The following SCLT1 variants were observed in gnomAD, a reference collection of about 807,000 sequenced individuals.
SCLT1 encodes the protein sodium channel-associated protein 1.
SCLT1 carries 78 observed loss-of-function variants against 112.8 expected under a neutral mutation model. The ratio of observed to expected loss-of-function variants is 0.69; its 90% CI spans 0.58 to 0.83. The LOEUF (loss-of-function observed/expected upper bound fraction) is 0.83. SCLT1 is among the 40% of genes least tolerant of loss of function. The probability of loss-of-function intolerance (pLI) is 0.00; values close to 1 mark genes in which losing one functional copy is unlikely to be tolerated. For missense variants in SCLT1, 747 were observed against 770.4 expected (o/e 0.97, Z 0.36); for synonymous variants, 257 against 254.7 (o/e 1.01, Z -0.09).
At chr4:128,899,553 C>T (rs1351704094) in intron 18 of SCLT1, among the ~76,000 whole-genome samples, 1 of 152,122 alleles carries the variant, frequency 6.6e-6, no homozygotes, top group African/African-American at 2.4e-5. Flanking sequence ...CTATGACAAA[C>T]CCACAGCCAA....
chr4:128,929,549 G>C (rs1736587771), intron 18 of SCLT1, among the ~76,000 whole-genome samples: 1 of 152,144 alleles, frequency 6.6e-6, no homozygotes, highest in Non-Finnish European at 1.5e-5. Context: ...GCTGTAATTA[G>C]GTATCAGGTC....
intron 18 of SCLT1, among the ~76,000 whole-genome samples, chr4:128,910,689 C>CT (rs982463458): frequency 6.6e-6 from 1 of 151,846 alleles, no homozygotes; most frequent in African/African-American, 2.4e-5. Flanking sequence ...CTAATACACT[C>CT]TTTTTTACAC....
At chr4:129,086,240 T>A (rs1430781870) in intron 1 of SCLT1, among the ~76,000 whole-genome samples, 1 of 152,124 alleles carries the variant, frequency 6.6e-6, no homozygotes, top group Non-Finnish European at 1.5e-5. Flanking sequence ...TATTATTTCC[T>A]TCATTCTACA....
At chr4:129,032,264 G>T (rs1746792109) in intron 5 of SCLT1, among the ~76,000 whole-genome samples, 1 of 152,098 alleles carries the variant, frequency 6.6e-6, no homozygotes, top group Non-Finnish European at 1.5e-5. Flanking sequence ...AATTAATGGT[G>T]CCAGGAAAAC....
chr4:128,997,203 C>T (rs769390668), intron 8 of SCLT1: 1 of 151,832 alleles, frequency 6.6e-6, no homozygotes, highest in African/African-American at 2.4e-5. Context: ...TGGATACTTA[C>T]TTTTGATAGC....
At chr4:129,076,394 C>T (rs1751466465) in intron 2 of SCLT1, among the ~76,000 whole-genome samples, 1 of 151,904 alleles carries the variant, frequency 6.6e-6, no homozygotes, top group African/African-American at 2.4e-5. Context: ...TTTATTCTAC[C>T]TTATGTATCT....
Position 129,093,137 on chromosome 4 carries a change from C to T in SCLT1, c.-34G>A. ...AATTTTAGTTTAGAGCTTTCACCAC[C>T]TTTACCTTCCTCTGAAAGACAGAGA... On this transcript the variant is annotated 5_prime_UTR_variant, in exon 1 of 21. Transcript: ENST00000281142. 6.2e-7 allele frequency: 1 copy of T among 1,605,148 alleles called. No homozygotes were observed.
intron 2 of SCLT1, among the ~76,000 whole-genome samples, chr4:129,057,572 TAA>T (rs1749544416): frequency 7.3e-6 from 1 of 136,182 alleles, no homozygotes; most frequent in Admixed American, 7.6e-5. Flanking sequence ...TTTTTTTTTT[TAA>T]GACTTTTTGT....
At chr4:129,077,174 T>A (rs1187238284) in intron 2 of SCLT1, among the ~76,000 whole-genome samples, 1 of 152,120 alleles carries the variant, frequency 6.6e-6, no homozygotes, top group Admixed American at 6.5e-5. Flanking sequence ...CAAGCCTAAA[T>A]GATCATTATG....
chr4:128,900,340 T>C (rs1734169147), intron 18 of SCLT1, among the ~76,000 whole-genome samples: 1 of 152,100 alleles, frequency 6.6e-6, no homozygotes, highest in Non-Finnish European at 1.5e-5. Flanking sequence ...TACAGACCAA[T>C]GGAACAGAAC....
intron 18 of SCLT1, among the ~76,000 whole-genome samples, chr4:128,894,399 C>G (rs1733574638): frequency 1.1e-5 from 1 of 88,278 alleles, no homozygotes; most frequent in Admixed American, 1.2e-4. Context: ...CACACACACA[C>G]ACACACACAC....
chr4:128,931,638 A>G (rs1211390549), intron 18 of SCLT1, among the ~76,000 whole-genome samples: 1 of 151,868 alleles, frequency 6.6e-6, no homozygotes, highest in East Asian at 1.9e-4. Flanking sequence ...AATTTTTTGT[A>G]TTTTTAGTAG....
intron 20 of SCLT1, among the ~76,000 whole-genome samples, chr4:128,887,856 A>C (rs1283032747): frequency 6.6e-6 from 1 of 152,256 alleles, no homozygotes; most frequent in Non-Finnish European, 1.5e-5. Context: ...TTGTAAGCCA[A>C]GGAATTTTTT....
chr4:129,027,518 G>A (rs1422094785), intron 5 of SCLT1, among the ~76,000 whole-genome samples: 1 of 152,130 alleles, frequency 6.6e-6, no homozygotes, highest in East Asian at 1.9e-4. Context: ...GTATTGATGG[G>A]ACGTATCTCA....
chr4:128,951,487 A>T lies in SCLT1; in HGVS notation c.1218+1282T>A, dbSNP rs1375524660. Among the ~76,000 whole-genome samples, 4 of 152,166 alleles carry T rather than the reference A, an allele frequency of 2.6e-5. No homozygotes were observed. The East Asian group carries it at 5.8e-4, about 22-fold the overall frequency. ...TTTAATATAGCTCTGGTTGTTACACAGCTAACAACGATTTGAAAAATCCCT... is the reference window on the plus strand; with the variant it reads ...TTTAATATAGCTCTGGTTGTTACACTGCTAACAACGATTTGAAAAATCCCT... On this transcript the variant is annotated intron_variant, in intron 14 of 20. Transcript: ENST00000281142.
chr4:128,907,205 TC>T (rs1171580487), intron 18 of SCLT1, among the ~76,000 whole-genome samples: 1 of 152,062 alleles, frequency 6.6e-6, no homozygotes, highest in Admixed American at 6.6e-5. Context: ...ACCTTATAAG[TC>T]GTAACAGGAA....
At chr4:128,987,443 A>G (rs573075360) in intron 9 of SCLT1, among the ~76,000 whole-genome samples, 6 of 152,338 alleles carry the variant, frequency 3.9e-5, no homozygotes, top group African/African-American at 1.2e-4. Context: ...GGGAAGCTCA[A>G]CAAATTTCAA....
intron 1 of SCLT1, among the ~76,000 whole-genome samples, chr4:129,088,059 C>T (rs1423543470): frequency 6.6e-6 from 1 of 151,516 alleles, no homozygotes; most frequent in Admixed American, 6.6e-5. Flanking sequence ...TGCACTCCAG[C>T]CTGGGCAATA....
intron 17 of SCLT1, among the ~76,000 whole-genome samples, chr4:128,942,363 GT>G (rs1737770655): frequency 6.6e-6 from 1 of 151,710 alleles, no homozygotes; most frequent in African/African-American, 2.4e-5. Context: ...ATCATAAAAA[GT>G]TAGTGCCACT....
Sources: allele counts gnomAD v4.1 joint callset (sites outside exome capture counted in the v4.1 genomes callset), GRCh38; gene constraint gnomAD v4.1.1; transcripts MANE v1.5; gene names NCBI Gene and HGNC (gene_info 2026-07-23, HGNC 2026-07-21).